Variants in XPC observed in about 807,000 individuals in gnomAD.
XPC encodes the protein XPC complex subunit, DNA damage recognition and repair factor, also known as DNA repair protein complementing XP-C cells.
XPC carries 76 observed loss-of-function variants against 95.8 expected under a neutral mutation model. The observed-to-expected ratio is 0.79, with a 90% CI of 0.66 to 0.96. The LOEUF (loss-of-function observed/expected upper bound fraction) is 0.96, where lower values mean the gene tolerates loss of function less well. Among genes scored for constraint, XPC ranks in the 40% least tolerant of loss-of-function variants. The pLI, the probability that XPC is intolerant of heterozygous loss-of-function variation, is 0.00. For synonymous variants in XPC, 442 were observed against 442.1 expected (o/e 1.00, Z 0.00); for missense variants, 1,146 against 1,179.8 (o/e 0.97, Z 0.42).
In XPC at chr3:14,164,834, T is replaced by C. The variant is rs762679000; in HGVS notation, c.879A>G (p.Arg293=). The change falls in exon 7 of 16, where the codon CGA becomes CGG. Residue 293 remains arginine (R), a synonymous_variant. Coordinates refer to ENST00000285021, the MANE Select transcript of XPC (RefSeq NM_004628.5). ...LERRFAIYSA[R]DDEELVHIFL... is the part of the protein sequence containing the mutation. Reference sequence around the variant, plus strand: ...TTACATGGACCAATTCCTCATCATCTCGAGCAGAGTAAATAGCAAATCTCC... The same window carrying C: ...TTACATGGACCAATTCCTCATCATCCCGAGCAGAGTAAATAGCAAATCTCC... 39 of 1,613,490 alleles carry C rather than the reference T, an allele frequency of 2.4e-5. 1 individual carries two copies. In the South Asian group the frequency reaches 4.3e-4, roughly 18 times the overall value.
Position 14,160,479 on chromosome 3 carries a change from A to C in XPC, c.901-649T>G, listed in dbSNP as rs183970682. On this transcript the variant is annotated intron_variant, in intron 7 of 15. Coordinates refer to ENST00000285021, the MANE Select transcript of XPC (RefSeq NM_004628.5). ...CCTACACGGGTCTCCAGGTCCCAGC[A>C]TCTCTCCTTGATTACTGCCACAGCC... 3.9e-4 allele frequency among the ~76,000 whole-genome samples: 60 copies of C among 152,330 alleles called. No individual in the cohort carries two copies. In the East Asian group the frequency reaches 9.6e-3, roughly 24 times the overall value.
chr3:14,172,134 T>C (rs906448252), intron 2 of XPC, among the ~76,000 whole-genome samples: 3 of 152,088 alleles, frequency 2.0e-5, no homozygotes, highest in African/African-American at 7.2e-5. Context: ...CATATTAATA[T>C]AAATGCTCAT....
chr3:14,170,055 G>C (rs944565356), intron 3 of XPC, among the ~76,000 whole-genome samples: 3 of 152,218 alleles, frequency 2.0e-5, no homozygotes, highest in Non-Finnish European at 4.4e-5. Flanking sequence ...TTACCAATGA[G>C]AAAACTCAGT....
chr3:14,155,744 G>C (rs1049988302), intron 10 of XPC, among the ~76,000 whole-genome samples: 8 of 152,116 alleles, frequency 5.3e-5, no homozygotes, highest in African/African-American at 1.9e-4. Context: ...ATTTTTAGTA[G>C]AGACAGGGTT....
At chr3:14,155,937 T>C (rs1695887678) in intron 10 of XPC, among the ~76,000 whole-genome samples, 1 of 152,102 alleles carries the variant, frequency 6.6e-6, no homozygotes, top group African/African-American at 2.4e-5. Context: ...CACCATCCAT[T>C]CCCAGAACTT....
intron 9 of XPC, 130 bp downstream of exon 9, chr3:14,157,881 T>G: frequency 1.5e-6 from 2 of 1,312,802 alleles, no homozygotes; most frequent in Non-Finnish European, 1.0e-6. Context: ...TTTATATGGC[T>G]GTGACAATTA....
chr3:14,178,016 G>A (rs145174789), intron 1 of XPC, among the ~76,000 whole-genome samples: 7 of 152,358 alleles, frequency 4.6e-5, no homozygotes, highest in African/African-American at 1.4e-4. Context: ...CATGACAAAT[G>A]TAAGAAGCCT....
rs1475896233 is a variant in XPC at position 14,159,825 on chromosome 3, G to A, written c.906C>T (p.Phe302=). The A allele has an allele frequency of 2.6e-6, 4 of 1,553,846 alleles. No homozygotes were observed. Among genetic ancestry groups the A allele is most frequent in the Middle Eastern group, 1.7e-4 (1 of 5,994 alleles). Residue 302 remains phenylalanine, a synonymous_variant, in exon 8 of 16, where the codon TTC becomes TTT. Transcript: ENST00000285021. ...GCTGCAGAGCCCGGAGAATCAGTAA[G>A]AATATCTATGATGAAAAGGAAGAAC... The part of the protein sequence containing the change: ...ARDDEELVHI[F]LLILRALQLL...
chr3:14,158,942 AATGAT>A lies in XPC; in HGVS notation c.991-55_991-51del. 6.2e-7 allele frequency: 1 copy of A among 1,608,894 alleles called. No individual in the cohort carries two copies. Among genetic ancestry groups the A allele is most frequent in the Non-Finnish European group, 8.5e-7 (1 of 1,178,484 alleles). On this transcript the variant is annotated intron_variant, in intron 8 of 15. Coordinates refer to ENST00000285021, the MANE Select transcript of XPC (RefSeq NM_004628.5). The surrounding 1 kb of genome is among the most constrained non-coding windows in gnomAD (Gnocchi z 5.2). Reference sequence around the variant, plus strand: ...TTTTTTTTCTCCCCCCTCTTTTGCTAATGATATGATAGAAATCCTGTAATCTAATA... The same window carrying A: ...TTTTTTTTCTCCCCCCTCTTTTGCTAATGATAGAAATCCTGTAATCTAATA...
At position 14,148,922 on chromosome 3, in the gene XPC, A is replaced by G; in HGVS notation, c.2142T>C (p.Ala714=). 6.2e-7 allele frequency: 1 copy of G among 1,613,938 alleles called. No individual in the cohort carries two copies. The highest frequency in any genetic ancestry group is 8.5e-7 in the Non-Finnish European group (1 of 1,179,878). The change falls in exon 12 of 16, where the codon GCT becomes GCC. Residue 714 remains alanine, a synonymous_variant. Transcript: ENST00000285021. Reference sequence around the variant, plus strand: ...GGGGCTCAGCAAGTCGGGCTTTCCGAGCACGGTTAGAAAAGCCTTTCACCA... The same window carrying G: ...GGGGCTCAGCAAGTCGGGCTTTCCGGGCACGGTTAGAAAAGCCTTTCACCA... ...YKMVKGFSNR[A]RKARLAEPQL...
At chr3:14,173,087 G>C in intron 1 of XPC, 25 bp from the exon 2 acceptor site, 2 of 1,511,392 alleles carry the variant, frequency 1.3e-6, no homozygotes. Flanking sequence ...AGAACATAAG[G>C]TGAGGGGTGG....
At chr3:14,155,544 A>T (rs907149249) in intron 10 of XPC, among the ~76,000 whole-genome samples, 2 of 151,872 alleles carry the variant, frequency 1.3e-5, no homozygotes, top group African/African-American at 4.8e-5. Flanking sequence ...CAGTCACATA[A>T]AATACACCAT....
intron 10 of XPC, chr3:14,153,339 A>G (rs1248095924): frequency 6.6e-6 from 1 of 152,246 alleles, no homozygotes; most frequent in Non-Finnish European, 1.5e-5. Context: ...AGATTTTTCA[A>G]CTTTATGATG....
At chr3:14,160,025 A>G in intron 7 of XPC, 195 bp from the exon 8 acceptor site, 1 of 544,800 alleles carries the variant, frequency 1.8e-6, no homozygotes, top group East Asian at 3.1e-5. Context: ...GAAGAACAGG[A>G]ACATGCTCAT....
At chr3:14,154,933 CTTCT>C (rs1197677325) in intron 10 of XPC, among the ~76,000 whole-genome samples, 1 of 152,084 alleles carries the variant, frequency 6.6e-6, no homozygotes, top group Admixed American at 6.6e-5. Context: ...CTAATGCTTC[CTTCT>C]GTCACTGACA....
chr3:14,147,767 C>A, intron 14 of XPC, 141 bp downstream of exon 14: 2 of 739,950 alleles, frequency 2.7e-6, no homozygotes, highest in Non-Finnish European at 4.5e-6. Flanking sequence ...TCAGTGCTCG[C>A]TCCCTCGGGT....
In XPC at chr3:14,163,311, TAAC is replaced by T. The variant is rs540293834; in HGVS notation, c.900+1499_900+1501del. ...AAATAAATATATGTATAGACATTAT[TAAC>T]AACACTCTTCACAACAGCCACAAGG... On this transcript the variant is annotated intron_variant, in intron 7 of 15. Coordinates refer to ENST00000285021, the MANE Select transcript of XPC (RefSeq NM_004628.5). Among the ~76,000 whole-genome samples, 136 of 152,318 alleles carry T rather than the reference TAAC, an allele frequency of 8.9e-4. 1 individual carries two copies. Among genetic ancestry groups the T allele is most frequent in the African/African-American group, 3.1e-3 (128 of 41,568 alleles).
Position 14,170,472 on chromosome 3 carries a change from C to T in XPC, c.378G>A (p.Glu126=). The change falls in exon 3 of 16, where the codon GAG becomes GAA. Residue 126 remains glutamate, a synonymous_variant. Coordinates refer to ENST00000285021, the MANE Select transcript of XPC (RefSeq NM_004628.5). ...CTTCCCAATCATTTTCACTTTCTTCCTCTTCTTCATTGCTGTCTTCATTCA... is the reference window on the plus strand; with the variant it reads ...CTTCCCAATCATTTTCACTTTCTTCTTCTTCTTCATTGCTGTCTTCATTCA... ...ATMNEDSNEE[E]EESENDWEEV... The T allele has an allele frequency of 6.2e-7, 1 of 1,613,840 alleles. No individual in the cohort carries two copies. The highest frequency in any genetic ancestry group is 8.5e-7 in the Non-Finnish European group (1 of 1,179,764).
At chr3:14,163,452 T>C (rs1318617874) in intron 7 of XPC, among the ~76,000 whole-genome samples, 1 of 152,200 alleles carries the variant, frequency 6.6e-6, no homozygotes, top group Non-Finnish European at 1.5e-5. Context: ...CATGCTAAAA[T>C]GCAGATGAAT....
Sources: gnomAD v4.1 joint callset for allele counts (sites outside exome capture counted in the v4.1 genomes callset) on GRCh38, gnomAD v4.1.1 for gene constraint, Gnocchi (gnomAD v3.1) non-coding constraint, MANE v1.5 for transcripts, NCBI Gene and HGNC (gene_info 2026-07-23, HGNC 2026-07-21) for gene names.